Variants in PAPPA observed in about 807,000 individuals in gnomAD.
PAPPA encodes the protein pappalysin 1.
In PAPPA, 60 loss-of-function variants were observed where a neutral mutation model predicts 164.0. The observed-to-expected ratio is 0.37, with a 90% CI of 0.30 to 0.45. PAPPA has a LOEUF of 0.45. Ranked by LOEUF, PAPPA falls within the 20% of genes least tolerant of loss-of-function variation. The pLI is 1.00. For synonymous variants in PAPPA, 875 were observed against 814.1 expected (o/e 1.07, Z -1.27); for missense variants, 1,782 against 2,087.3 (o/e 0.85, Z 2.85).
chr9:116,341,767 G>A (rs1480115074), intron 13 of PAPPA, among the ~76,000 whole-genome samples: 1 of 152,168 alleles, frequency 6.6e-6, no homozygotes, highest in African/African-American at 2.4e-5. Flanking sequence ...TTGAATAGAC[G>A]AATCAGTGGA....
At chr9:116,365,512 C>T (rs191483946) in intron 18 of PAPPA, among the ~76,000 whole-genome samples, 6 of 148,164 alleles carry the variant, frequency 4.0e-5, no homozygotes, top group East Asian at 4.0e-4. Context: ...AAGACATGAC[C>T]GCTGCATAGG....
At chr9:116,265,531 G>C (rs538511482) in intron 7 of PAPPA, among the ~76,000 whole-genome samples, 24 of 152,188 alleles carry the variant, frequency 1.6e-4, no homozygotes, top group African/African-American at 5.8e-4. Flanking sequence ...CCTCACAAAC[G>C]TCTTCATTTT....
chr9:116,207,677 A>G, intron 3 of PAPPA, 76 bp downstream of exon 3: 6 of 1,128,548 alleles, frequency 5.3e-6, no homozygotes, highest in Non-Finnish European at 7.4e-6. Flanking sequence ...GATCATTGTT[A>G]CGATCATGAT....
chr9:116,275,088 G>A (rs891541001), intron 9 of PAPPA, among the ~76,000 whole-genome samples: 11 of 152,300 alleles, frequency 7.2e-5, no homozygotes, highest in African/African-American at 2.4e-4. Flanking sequence ...TTCAGAGCAC[G>A]CAAGCCTGGC....
At chr9:116,356,302 C>G (rs954098424) in intron 17 of PAPPA, among the ~76,000 whole-genome samples, 2 of 152,126 alleles carry the variant, frequency 1.3e-5, no homozygotes, top group African/African-American at 4.8e-5. Flanking sequence ...TACTACATAC[C>G]TAATAGTTTG....
intron 1 of PAPPA, among the ~76,000 whole-genome samples, chr9:116,170,564 T>C (rs930752950): frequency 1.3e-5 from 2 of 151,568 alleles, no homozygotes; most frequent in African/African-American, 4.8e-5. Flanking sequence ...CTTCCATCCA[T>C]TACCCATCTA....
At chr9:116,333,382 C>T (rs1846018795) in intron 12 of PAPPA, among the ~76,000 whole-genome samples, 1 of 152,156 alleles carries the variant, frequency 6.6e-6, no homozygotes, top group Non-Finnish European at 1.5e-5. Flanking sequence ...CTAAGAATTT[C>T]CTATGACACC....
At chr9:116,301,948 G>A (rs868741282) in intron 9 of PAPPA, among the ~76,000 whole-genome samples, 19 of 152,322 alleles carry the variant, frequency 1.2e-4, no homozygotes, top group Admixed American at 3.3e-4. Context: ...ATCAGTTCAT[G>A]TTTTAAAGCA....
intron 13 of PAPPA, among the ~76,000 whole-genome samples, chr9:116,340,613 C>T (rs538260800): frequency 6.6e-6 from 1 of 152,270 alleles, no homozygotes; most frequent in Admixed American, 6.5e-5. Context: ...TGTTTTCAAG[C>T]CTGCAGGCCA....
intron 10 of PAPPA, among the ~76,000 whole-genome samples, chr9:116,321,188 C>T (rs1237266677): frequency 6.6e-6 from 1 of 151,900 alleles, no homozygotes; most frequent in East Asian, 1.9e-4. Flanking sequence ...CCACCGCACC[C>T]AGCTAATTTT....
chr9:116,154,760 T>C lies in PAPPA; in HGVS notation c.415+173T>C, dbSNP rs533777309. Among the ~76,000 whole-genome samples the C allele has an allele frequency of 3.4e-4, 51 of 152,148 alleles. No individual in the cohort carries two copies. The highest frequency in any genetic ancestry group is 1.2e-3 in the African/African-American group (49 of 41,518). ...GAGCTGAGAGCCTCACTTTGCTCCATCGGTGGAATGGGCACACTCGGAAGG... is the reference window on the plus strand; with the variant it reads ...GAGCTGAGAGCCTCACTTTGCTCCACCGGTGGAATGGGCACACTCGGAAGG... On this transcript the variant is annotated intron_variant, in intron 1 of 21. Coordinates refer to ENST00000328252, the MANE Select transcript of PAPPA (RefSeq NM_002581.5). The surrounding 1 kb of genome is among the most constrained non-coding windows in gnomAD (Gnocchi z 5.2).
At chr9:116,372,517 A>G (rs7869550) in intron 19 of PAPPA, among the ~76,000 whole-genome samples, 22,003 of 152,164 alleles carry the variant, frequency 0.14, 1,852 homozygotes, top group Non-Finnish European at 0.19. Context: ...AGACTATTCC[A>G]GTCTGGAGAC....
chr9:116,265,780 A>G, intron 7 of PAPPA, 77 bp from the exon 8 acceptor site: 2 of 1,222,390 alleles, frequency 1.6e-6, no homozygotes, highest in South Asian at 1.4e-5. Context: ...AACCTACTCC[A>G]GGGGATCAAT....
intron 7 of PAPPA, among the ~76,000 whole-genome samples, chr9:116,261,416 C>T (rs560171720): frequency 2.6e-4 from 39 of 152,204 alleles, no homozygotes; most frequent in African/African-American, 7.5e-4. Flanking sequence ...CTGTCTCTCC[C>T]CTTCCTCCTA....
intron 1 of PAPPA, among the ~76,000 whole-genome samples, chr9:116,171,750 T>C (rs1022650901): frequency 2.0e-5 from 3 of 152,026 alleles, no homozygotes; most frequent in African/African-American, 7.2e-5. Context: ...ATTGAAACCA[T>C]GGGGAGGCTG....
intron 5 of PAPPA, among the ~76,000 whole-genome samples, chr9:116,226,393 G>T (rs770235443): frequency 6.6e-6 from 1 of 152,130 alleles, no homozygotes; most frequent in Non-Finnish European, 1.5e-5. Flanking sequence ...CCCTGTGAGG[G>T]GAAAGCCATA....
At position 116,377,633 on chromosome 9, in the gene PAPPA, G is replaced by C; in HGVS notation, c.4663G>C (p.Val1555Leu). 2 of 1,613,046 alleles carry C rather than the reference G, an allele frequency of 1.2e-6. No individual in the cohort carries two copies. The highest frequency in any genetic ancestry group is 8.5e-7 in the Non-Finnish European group (1 of 1,179,050). Residue 1555 changes from valine (V) to leucine (L), a missense_variant, in exon 20 of 22, where the codon GTC becomes CTC. Transcript: ENST00000328252. The part of the protein sequence containing the change: ...WYPHPALIHC[V>L]KGCEPFMGDN... ...TCCTCACCCTGCTCTGATTCACTGT[G>C]TCAAAGGCTGTGAGGTGAGTCACAA...
chr9:116,321,881 T>G (rs531554121), intron 10 of PAPPA, among the ~76,000 whole-genome samples: 11 of 152,160 alleles, frequency 7.2e-5, no homozygotes, highest in Non-Finnish European at 1.3e-4. Flanking sequence ...GAAACCATAA[T>G]GCAAGTGTAT....
intron 1 of PAPPA, among the ~76,000 whole-genome samples, chr9:116,169,138 T>A (rs111624469): frequency 4.4e-4 from 67 of 152,122 alleles, no homozygotes; most frequent in African/African-American, 1.4e-3. Context: ...TGGCATTGAC[T>A]GTGAGATATG....
Sources: gnomAD v4.1 joint callset for allele counts (sites outside exome capture counted in the v4.1 genomes callset) on GRCh38, gnomAD v4.1.1 for gene constraint, Gnocchi (gnomAD v3.1) non-coding constraint, MANE v1.5 for transcripts, NCBI Gene and HGNC (gene_info 2026-07-23, HGNC 2026-07-21) for gene names.